Variants in NXPH1 observed in about 807,000 individuals in gnomAD.
NXPH1 encodes neurexophilin-1.
A neutral mutation model predicts 23.7 loss-of-function variants in NXPH1; 5 were observed. That is an observed-to-expected ratio of 0.21 (90% CI 0.11 to 0.44). The LOEUF is 0.44. NXPH1 is among the 20% of genes least tolerant of loss of function. The probability of loss-of-function intolerance (pLI) is 0.99; values close to 1 mark genes in which losing one functional copy is unlikely to be tolerated. For synonymous variants in NXPH1, 144 were observed against 122.2 expected (o/e 1.18, Z -1.18); for missense variants, 324 against 321.6 (o/e 1.01, Z -0.06).
At chr7:8,477,904 T>G (rs915934835) in intron 2 of NXPH1, among the ~76,000 whole-genome samples, 4 of 152,140 alleles carry the variant, frequency 2.6e-5, no homozygotes, top group African/African-American at 9.7e-5. Flanking sequence ...AATTTCTGAC[T>G]CCCTTATCAG....
At chr7:8,486,152 A>G (rs868400403) in intron 2 of NXPH1, among the ~76,000 whole-genome samples, 1 of 152,158 alleles carries the variant, frequency 6.6e-6, no homozygotes, top group African/African-American at 2.4e-5. Flanking sequence ...GGAGATTGTA[A>G]TTTTTATCTG....
At chr7:8,638,517 C>T (rs1820254803) in intron 2 of NXPH1, among the ~76,000 whole-genome samples, 1 of 152,086 alleles carries the variant, frequency 6.6e-6, no homozygotes, top group Non-Finnish European at 1.5e-5. Flanking sequence ...CAGTAGAAAG[C>T]TTTAAAGAAA....
intron 2 of NXPH1, among the ~76,000 whole-genome samples, chr7:8,572,752 GT>G (rs912614268): frequency 3.3e-5 from 5 of 151,626 alleles, no homozygotes; most frequent in East Asian, 1.9e-4. Flanking sequence ...GTATATATTA[GT>G]TTTTTTTCAA....
intron 2 of NXPH1, among the ~76,000 whole-genome samples, chr7:8,697,172 A>C (rs965739269): frequency 1.3e-4 from 19 of 151,372 alleles, no homozygotes; most frequent in African/African-American, 4.6e-4. Context: ...AAAAAAAAAA[A>C]AAAAAAAAGT....
chr7:8,586,575 C>G (rs1270162011), intron 2 of NXPH1, among the ~76,000 whole-genome samples: 1 of 151,146 alleles, frequency 6.6e-6, no homozygotes, highest in Non-Finnish European at 1.5e-5. Flanking sequence ...GATTAAGGAA[C>G]AGCATGACCA....
chr7:8,619,047 G>A (rs1314729290), intron 2 of NXPH1, among the ~76,000 whole-genome samples: 1 of 152,172 alleles, frequency 6.6e-6, no homozygotes, highest in Non-Finnish European at 1.5e-5. Flanking sequence ...TGGTTTCAGT[G>A]AATTCCTGTG....
intron 2 of NXPH1, among the ~76,000 whole-genome samples, chr7:8,688,663 T>C (rs1402891426): frequency 1.3e-5 from 2 of 152,180 alleles, no homozygotes; most frequent in African/African-American, 4.8e-5. Flanking sequence ...TCTTTTCACT[T>C]ATAAGGCTTT....
At chr7:8,573,951 T>A (rs1304811143) in intron 2 of NXPH1, among the ~76,000 whole-genome samples, 1 of 152,102 alleles carries the variant, frequency 6.6e-6, no homozygotes, top group Non-Finnish European at 1.5e-5. Flanking sequence ...CAATTCTATG[T>A]CATGGAAACC....
intron 2 of NXPH1, among the ~76,000 whole-genome samples, chr7:8,516,459 T>A (rs987945799): frequency 2.0e-5 from 3 of 152,280 alleles, no homozygotes; most frequent in African/African-American, 7.2e-5. Context: ...GATTTAATAC[T>A]GTTTTTGCTG....
intron 2 of NXPH1, among the ~76,000 whole-genome samples, chr7:8,554,940 G>A (rs913229098): frequency 2.6e-5 from 4 of 151,654 alleles, no homozygotes; most frequent in East Asian, 2.0e-4. Flanking sequence ...TTGCCATGAC[G>A]TCTTGAATCA....
intron 2 of NXPH1, among the ~76,000 whole-genome samples, chr7:8,504,955 G>A (rs1033156761): frequency 6.6e-6 from 1 of 151,954 alleles, no homozygotes; most frequent in Non-Finnish European, 1.5e-5. Flanking sequence ...CTTGTCTATG[G>A]TATTCTGTTG....
At chr7:8,713,249 A>G (rs1005833351) in intron 2 of NXPH1, among the ~76,000 whole-genome samples, 2 of 152,138 alleles carry the variant, frequency 1.3e-5, no homozygotes, top group Non-Finnish European at 2.9e-5. Flanking sequence ...TGTGTTCTTT[A>G]GTATATCAGT....
At chr7:8,460,272 G>A (rs1816671007) in intron 2 of NXPH1, among the ~76,000 whole-genome samples, 1 of 152,040 alleles carries the variant, frequency 6.6e-6, no homozygotes, top group African/African-American at 2.4e-5. Flanking sequence ...TTGTACCTCT[G>A]ATCTTTTTTA....
At chr7:8,659,297 A>G (rs547295728) in intron 2 of NXPH1, among the ~76,000 whole-genome samples, 4 of 152,336 alleles carry the variant, frequency 2.6e-5, no homozygotes, top group Admixed American at 2.6e-4. Flanking sequence ...TGCCTTCAGT[A>G]TTTAGGGATA....
chr7:8,592,956 C>T (rs1040326568), intron 2 of NXPH1, among the ~76,000 whole-genome samples: 1 of 151,782 alleles, frequency 6.6e-6, no homozygotes, highest in Non-Finnish European at 1.5e-5. Context: ...CCCACCTGCT[C>T]TCCTCATTGT....
chr7:8,462,896 A>C (rs911342087), intron 2 of NXPH1, among the ~76,000 whole-genome samples: 5 of 152,192 alleles, frequency 3.3e-5, no homozygotes, highest in African/African-American at 9.6e-5. Flanking sequence ...CTGGATTGAG[A>C]GGCTTATTTT....
intron 2 of NXPH1, among the ~76,000 whole-genome samples, chr7:8,633,372 G>C (rs373271169): frequency 6.6e-6 from 1 of 152,214 alleles, no homozygotes; most frequent in African/African-American, 2.4e-5. Context: ...AGATTGCAGT[G>C]AGCCAAGATC....
At chr7:8,477,608 C>T (rs146573372) in intron 2 of NXPH1, among the ~76,000 whole-genome samples, 174 of 152,110 alleles carry the variant, frequency 1.1e-3, no homozygotes, top group African/African-American at 3.8e-3. Context: ...CGCCTCTTAA[C>T]GTAATTCTAG....
intron 2 of NXPH1, among the ~76,000 whole-genome samples, chr7:8,666,714 T>C (rs1348469178): frequency 6.6e-6 from 1 of 152,080 alleles, no homozygotes; most frequent in African/African-American, 2.4e-5. Flanking sequence ...TACTCGTTAT[T>C]GGTATGTTTG....
Sources: allele counts gnomAD v4.1 joint callset (sites outside exome capture counted in the v4.1 genomes callset), GRCh38; gene constraint gnomAD v4.1.1; transcripts MANE v1.5; gene names NCBI Gene and HGNC (gene_info 2026-07-23, HGNC 2026-07-21).